MMRN1: variants seen among roughly 807,000 people sequenced by gnomAD.
MMRN1 encodes multimerin 1.
MMRN1 carries 94 observed loss-of-function variants against 100.7 expected under a neutral mutation model. The ratio of observed to expected loss-of-function variants is 0.93; its 90% CI spans 0.79 to 1.11. The LOEUF is 1.11. MMRN1 is among the 50% of genes least tolerant of loss of function. The pLI is 0.00. For synonymous variants in MMRN1, 575 were observed against 505.0 expected (o/e 1.14, Z -1.86); for missense variants, 1,606 against 1,439.1 (o/e 1.12, Z -1.88).
In MMRN1 at chr4:89,909,347, C is replaced by A. The variant is rs756050037; in HGVS notation, c.695C>A (p.Pro232Gln). 1.1e-5 allele frequency: 18 copies of A among 1,609,992 alleles called. No homozygotes were observed. The highest frequency in any genetic ancestry group is 6.7e-5 in the African/African-American group (5 of 74,540). ...VILDNQVTYV[P>Q]GGKGPCGWTG... ...TTGGACAACCAGGTCACTTATGTCC[C>A]AGGTGGGAAAGGACCTTGTGGCTGG... Residue 232 changes from proline to glutamine, a missense_variant, in exon 2 of 8, where the codon CCA becomes CAA. Pro to Gln is a moderately conservative substitution (Grantham distance 76). Transcript: ENST00000264790.
chr4:89,944,725 T>C (rs969817444), intron 6 of MMRN1, among the ~76,000 whole-genome samples: 4 of 152,134 alleles, frequency 2.6e-5, no homozygotes, highest in Admixed American at 6.6e-5. Context: ...GAGATTACTT[T>C]TGAGAAGTTA....
intron 6 of MMRN1, among the ~76,000 whole-genome samples, chr4:89,942,222 T>A (rs958990981): frequency 2.0e-5 from 3 of 152,172 alleles, no homozygotes; most frequent in Admixed American, 6.5e-5. Flanking sequence ...TTCCCAACAA[T>A]AGACGATTTC....
At chr4:89,943,467 T>C (rs1722895366) in intron 6 of MMRN1, among the ~76,000 whole-genome samples, 1 of 152,246 alleles carries the variant, frequency 6.6e-6, no homozygotes. Flanking sequence ...AGATAATTTC[T>C]ATTATTCATG....
intron 4 of MMRN1, among the ~76,000 whole-genome samples, chr4:89,925,791 A>G (rs1334887054): frequency 3.9e-5 from 6 of 152,052 alleles, no homozygotes; most frequent in Admixed American, 1.3e-4. Context: ...CCAATCAGCC[A>G]TTATCCTTCC....
intron 4 of MMRN1, among the ~76,000 whole-genome samples, chr4:89,926,090 G>A (rs1224446250): frequency 6.6e-6 from 1 of 152,124 alleles, no homozygotes; most frequent in Non-Finnish European, 1.5e-5. Context: ...AATATACATG[G>A]GAGTGCAGAT....
chr4:89,930,374 C>T (rs1722397983), intron 5 of MMRN1, among the ~76,000 whole-genome samples: 3 of 152,198 alleles, frequency 2.0e-5, no homozygotes, highest in South Asian at 4.1e-4. Flanking sequence ...TACTCATTTT[C>T]ATTGTTTTTT....
In MMRN1 at chr4:89,895,509, C is replaced by A. The variant is rs773663271; in HGVS notation, c.538C>A (p.Arg180=). 1.3e-5 allele frequency: 21 copies of A among 1,613,606 alleles called. No individual in the cohort carries two copies. Among genetic ancestry groups the A allele is most frequent in the African/African-American group, 9.4e-5 (7 of 74,866 alleles). The change falls in exon 1 of 8, where the codon CGG becomes AGG. Residue 180 remains arginine, a synonymous_variant. Transcript: ENST00000264790. The stretch of plus-strand genomic sequence containing the variant: ...TGGAGGCGTGGGAAATCGAGCCCCA[C>A]GGGAAACATACCTCAGCCGGGGTGA... The part of the protein sequence containing the change: ...GTGGVGNRAP[R]ETYLSRGDSS...
At chr4:89,892,887 G>A (rs992368954), upstream of MMRN1, among the ~76,000 whole-genome samples, 1 of 151,982 alleles carries the variant, frequency 6.6e-6, no homozygotes, top group African/African-American at 2.4e-5. Flanking sequence ...CAAAAAATCA[G>A]TGAATGTCAT....
At chr4:89,948,937 T>C (rs1355764419) in intron 6 of MMRN1, among the ~76,000 whole-genome samples, 1 of 152,150 alleles carries the variant, frequency 6.6e-6, no homozygotes. Flanking sequence ...TAGTAGTAGA[T>C]GCAGACCTTC....
chr4:89,924,519 A>C (rs1722183761), intron 4 of MMRN1, among the ~76,000 whole-genome samples: 1 of 151,182 alleles, frequency 6.6e-6, no homozygotes, highest in Admixed American at 6.6e-5. Flanking sequence ...GTGATTTTTA[A>C]ATATATATAT....
intron 6 of MMRN1, among the ~76,000 whole-genome samples, chr4:89,946,448 TTAAAA>T (rs1722988574): frequency 1.3e-5 from 2 of 152,154 alleles, no homozygotes; most frequent in Admixed American, 6.5e-5. Context: ...TAAAGTAAAA[TTAAAA>T]TAAAAGTATA....
At chr4:89,914,127 C>T (rs1436387068) in intron 3 of MMRN1, among the ~76,000 whole-genome samples, 1 of 151,322 alleles carries the variant, frequency 6.6e-6, no homozygotes, top group African/African-American at 2.4e-5. Context: ...GATATTTGCA[C>T]ATTTTCCCCT....
chr4:89,913,582 A>G (rs1162989711), intron 3 of MMRN1, among the ~76,000 whole-genome samples: 1 of 151,346 alleles, frequency 6.6e-6, no homozygotes, highest in African/African-American at 2.4e-5. Context: ...TCAAATATAG[A>G]CTGTGTCCTG....
Position 89,953,284 on chromosome 4 carries a change from A to G in MMRN1, c.3553A>G (p.Arg1185Gly). 6.2e-7 allele frequency: 1 copy of G among 1,613,948 alleles called. No individual in the cohort carries two copies. Among genetic ancestry groups the G allele is most frequent in the East Asian group, 2.2e-5 (1 of 44,856 alleles). The stretch of plus-strand genomic sequence containing the variant: ...TATTAACAGTGAAATACACTGTGAT[A>G]GGGTTTTAACTGGGGATGCCTTATT... ...ENINSEIHCD[R>G]VLTGDALLEL... The change falls in exon 8 of 8, where the codon AGG becomes GGG. Residue 1185 changes from arginine to glycine, a missense_variant. Arg to Gly is a moderately radical substitution (Grantham distance 125). Transcript: ENST00000264790.
At chr4:89,911,542 G>A (rs948128932) in intron 2 of MMRN1, among the ~76,000 whole-genome samples, 1 of 151,382 alleles carries the variant, frequency 6.6e-6, no homozygotes, top group East Asian at 1.9e-4. Context: ...TGATCTGGAG[G>A]AAATACAGAT....
intron 6 of MMRN1, among the ~76,000 whole-genome samples, chr4:89,941,449 C>A (rs557194655): frequency 1.3e-5 from 2 of 152,154 alleles, no homozygotes; most frequent in Non-Finnish European, 2.9e-5. Context: ...TAGTCACACA[C>A]ACATACACAA....
At position 89,909,406 on chromosome 4, in the gene MMRN1, T is replaced by G. The variant is rs774667516; in HGVS notation, c.743+11T>G. 6.2e-7 allele frequency: 1 copy of G among 1,607,584 alleles called. No individual in the cohort carries two copies. The highest frequency in any genetic ancestry group is 1.3e-5 in the African/African-American group (1 of 74,424). Reference sequence around the variant, plus strand: ...ATCCTGTCCTCAGAGGTATGTAATATTTCTTGAAAATAGCCACTGTTTTTG... The same window carrying G: ...ATCCTGTCCTCAGAGGTATGTAATAGTTCTTGAAAATAGCCACTGTTTTTG... On this transcript the variant is annotated intron_variant, in intron 2 of 7. Transcript: ENST00000264790.
At chr4:89,930,946 A>T (rs1359923166) in intron 5 of MMRN1, among the ~76,000 whole-genome samples, 2 of 152,112 alleles carry the variant, frequency 1.3e-5, no homozygotes, top group African/African-American at 4.8e-5. Context: ...CTATTTCTGT[A>T]TAATTTATCT....
chr4:89,881,633 T>C (rs1376880033), intron 1 of MMRN1, among the ~76,000 whole-genome samples: 2 of 151,948 alleles, frequency 1.3e-5, no homozygotes, highest in African/African-American at 2.4e-5. Flanking sequence ...AAGGTGCCCA[T>C]GGTGAATGGA....
Sources: allele counts gnomAD v4.1 joint callset (sites outside exome capture counted in the v4.1 genomes callset), GRCh38; gene constraint gnomAD v4.1.1; transcripts MANE v1.5; gene names NCBI Gene and HGNC (gene_info 2026-07-23, HGNC 2026-07-21).